HTATIP2: variants seen among roughly 807,000 people sequenced by gnomAD.
The protein encoded by HTATIP2 is protein HTATIP2.
Under a neutral mutation model 24.7 loss-of-function variants are expected in HTATIP2, and 26 were observed. The ratio of observed to expected loss-of-function variants is 1.05; its 90% CI spans 0.77 to 1.46. The LOEUF is 1.46. HTATIP2 is among the 40% of genes most tolerant of loss of function. The pLI, the probability that HTATIP2 is intolerant of heterozygous loss-of-function variation, is 0.00. For synonymous variants in HTATIP2, 99 were observed against 113.2 expected (o/e 0.87, Z 0.79); for missense variants, 284 against 289.6 (o/e 0.98, Z 0.14).
chr11:20,373,032 A>G (rs1160807906), intron 2 of HTATIP2, among the ~76,000 whole-genome samples: 1 of 152,238 alleles, frequency 6.6e-6, no homozygotes, highest in African/African-American at 2.4e-5. Flanking sequence ...CGTATTTATA[A>G]TGAGCTTGAA....
At chr11:20,370,369 TGATTAGTGAATTC>T in intron 2 of HTATIP2, among the ~76,000 whole-genome samples, 1 of 152,302 alleles carries the variant, frequency 6.6e-6, no homozygotes, top group South Asian at 2.1e-4. Context: ...AAGAGGGATT[TGATTAGTGAATTC>T]AAGGTGGTTC....
At chr11:20,371,552 C>T (rs1436936424) in intron 2 of HTATIP2, among the ~76,000 whole-genome samples, 1 of 152,176 alleles carries the variant, frequency 6.6e-6, no homozygotes, top group African/African-American at 2.4e-5. Flanking sequence ...CCACCTCAGC[C>T]TCCCAAGTAG....
At chr11:20,367,315 T>C (rs574374804) in intron 2 of HTATIP2, 34 bp downstream of exon 2, 2 of 1,613,486 alleles carry the variant, frequency 1.2e-6, no homozygotes, top group Non-Finnish European at 1.7e-6. Flanking sequence ...CCCTTTTTGC[T>C]GGCCAGTAAT....
At chr11:20,365,982 A>G (rs1181908407) in intron 1 of HTATIP2, among the ~76,000 whole-genome samples, 1 of 151,436 alleles carries the variant, frequency 6.6e-6, no homozygotes, top group Non-Finnish European at 1.5e-5. Flanking sequence ...AAAAAAAAAA[A>G]AAAAAAAGAA....
intron 2 of HTATIP2, among the ~76,000 whole-genome samples, chr11:20,368,657 GT>G (rs1019466895): frequency 1.4e-4 from 22 of 152,198 alleles, no homozygotes; most frequent in African/African-American, 5.3e-4. Flanking sequence ...TGCCAACCTG[GT>G]TTTGGTGGTG....
intron 3 of HTATIP2, 115 bp from the exon 4 acceptor site, chr11:20,382,063 G>A (rs1480944400): frequency 3.2e-6 from 2 of 622,066 alleles, no homozygotes; most frequent in African/African-American, 1.9e-5. Flanking sequence ...AGGATATTTT[G>A]AGTATTGAGA....
intron 2 of HTATIP2, among the ~76,000 whole-genome samples, chr11:20,369,590 G>C (rs544371242): frequency 6.6e-6 from 1 of 152,306 alleles, no homozygotes; most frequent in South Asian, 2.1e-4. Context: ...GAGCCCTTGA[G>C]TTTCCAGGCC....
chr11:20,366,164 C>T (rs1477404503), intron 1 of HTATIP2, among the ~76,000 whole-genome samples: 4 of 130,036 alleles, frequency 3.1e-5, no homozygotes, highest in South Asian at 2.4e-4. Context: ...TGCAGTGGTG[C>T]GATCTCAGCT....
chr11:20,371,247 C>T (rs1186433910), intron 2 of HTATIP2, among the ~76,000 whole-genome samples: 3 of 152,020 alleles, frequency 2.0e-5, no homozygotes, highest in African/African-American at 7.3e-5. Context: ...TGTGAAGTGG[C>T]GAGGTCCTAG....
chr11:20,369,799 G>A (rs1337182516), intron 2 of HTATIP2, among the ~76,000 whole-genome samples: 1 of 152,180 alleles, frequency 6.6e-6, no homozygotes, highest in East Asian at 1.9e-4. Flanking sequence ...ATATTCTGAG[G>A]TAATGGGGGT....
chr11:20,381,269 G>A (rs2055245), intron 3 of HTATIP2, among the ~76,000 whole-genome samples: 147,691 of 151,904 alleles, frequency 0.97, 71,935 homozygotes, highest in East Asian at 1. Flanking sequence ...TGACAACCCC[G>A]TCACTACTAA....
At chr11:20,366,262 C>T (rs549575770) in intron 1 of HTATIP2, among the ~76,000 whole-genome samples, 4 of 151,446 alleles carry the variant, frequency 2.6e-5, no homozygotes, top group South Asian at 2.1e-4. Context: ...CCACCACAAC[C>T]GGCTAATTTT....
In HTATIP2 at chr11:20,376,571, C is replaced by A. The variant is rs938452741; in HGVS notation, c.304-9C>A. On this transcript the variant is annotated splice_polypyrimidine_tract_variant and intron_variant, in intron 2 of 4. Transcript: ENST00000451739. ...TTTTGGAAATAACTCATGTCCTTTT[C>A]CCCCTTAGGAGGGATTTGTTCGTGT... 4 of 1,613,602 alleles carry A rather than the reference C, an allele frequency of 2.5e-6. No homozygotes were observed. The highest frequency in any genetic ancestry group is 3.4e-6 in the Non-Finnish European group (4 of 1,179,820).
At chr11:20,379,809 C>G (rs1848493000) in intron 3 of HTATIP2, among the ~76,000 whole-genome samples, 1 of 152,172 alleles carries the variant, frequency 6.6e-6, no homozygotes, top group Non-Finnish European at 1.5e-5. Context: ...AGTTTATAAT[C>G]TGCTTGTATT....
Position 20,376,338 on chromosome 11 carries a change from A to G in HTATIP2, c.304-242A>G, listed in dbSNP as rs1045063009. The G allele has an allele frequency of 1.4e-4, 71 of 492,966 alleles. No homozygotes were observed. The South Asian group carries it at 1.6e-3, about 11-fold the overall frequency. 30.5% of individuals were successfully genotyped at this position (492,966 alleles called of 1,614,324 possible). A position where few individuals can be genotyped will look rare whatever the true frequency, so the allele number is the denominator to read the frequency against. On this transcript the variant is annotated intron_variant, in intron 2 of 4. Transcript: ENST00000451739. ...AGATTTGTTTGGTGTCTGTGTTTCAATGTCATTGTCCTTGTTTCCTTATTG... is the reference window on the plus strand; with the variant it reads ...AGATTTGTTTGGTGTCTGTGTTTCAGTGTCATTGTCCTTGTTTCCTTATTG...
chr11:20,375,566 C>CTCAA (rs755040205), intron 2 of HTATIP2, among the ~76,000 whole-genome samples: 14 of 152,172 alleles, frequency 9.2e-5, no homozygotes, highest in East Asian at 1.9e-4. Context: ...GCAAGACTGT[C>CTCAA]TCAATCAATC....
intron 2 of HTATIP2, among the ~76,000 whole-genome samples, chr11:20,369,176 T>C (rs971018201): frequency 6.6e-6 from 1 of 152,190 alleles, no homozygotes; most frequent in African/African-American, 2.4e-5. Context: ...GTAACGATAG[T>C]GTTTTAAGTG....
Position 20,364,362 on chromosome 11 carries a change from G to C in HTATIP2, c.125G>C (p.Gly42Ala), listed in dbSNP as rs200846453. 6.2e-7 allele frequency: 1 copy of C among 1,613,642 alleles called. No individual in the cohort carries two copies. Among genetic ancestry groups the C allele is most frequent in the Non-Finnish European group, 8.5e-7 (1 of 1,179,670 alleles). ...RVLLKEILEQ[G>A]LFSKVTLIGR... ...CTCTTAAAGGAAATCCTGGAGCAGG[G>C]CCTGTTTTCCAAAGTCACGCTCATT... is the stretch of plus-strand genomic sequence containing the variant. Residue 42 changes from glycine to alanine, a missense_variant, in exon 1 of 5, where the codon GGC (glycine) becomes GCC (alanine). Physicochemically the swap from Gly to Ala is moderately conservative, Grantham distance 60. Transcript: ENST00000451739.
At chr11:20,378,959 C>T (rs995437438) in intron 3 of HTATIP2, among the ~76,000 whole-genome samples, 1 of 152,120 alleles carries the variant, frequency 6.6e-6, no homozygotes, top group African/African-American at 2.4e-5. Context: ...ATTGCATGAA[C>T]CCGGGAAGCA....
Sources: gnomAD v4.1 joint callset for allele counts (sites outside exome capture counted in the v4.1 genomes callset) on GRCh38, gnomAD v4.1.1 for gene constraint, MANE v1.5 for transcripts, NCBI Gene and HGNC (gene_info 2026-07-23, HGNC 2026-07-21) for gene names.